JAK1: variants seen among roughly 807,000 people sequenced by gnomAD.
JAK1 encodes tyrosine-protein kinase JAK1.
Under a neutral mutation model 136.6 loss-of-function variants are expected in JAK1, and 16 were observed. The observed-to-expected ratio is 0.12, with a 90% confidence interval of 0.08 to 0.18. JAK1 has a LOEUF of 0.18. Among genes scored for constraint, JAK1 ranks in the 10% least tolerant of loss-of-function variants. JAK1 has a pLI of 1.00. For missense variants in JAK1, 859 were observed against 1,450.1 expected (o/e 0.59, Z 6.62); for synonymous variants, 492 against 519.5 (o/e 0.95, Z 0.72).
At chr1:64,918,009 G>A (rs1645428728) in intron 1 of JAK1, among the ~76,000 whole-genome samples, 1 of 152,114 alleles carries the variant, frequency 6.6e-6, no homozygotes, top group Non-Finnish European at 1.5e-5. Flanking sequence ...TCTTCTCCTG[G>A]GAGCCTTCAT....
chr1:64,840,193 T>G (rs1570610236), intron 19 of JAK1, among the ~76,000 whole-genome samples: 3 of 152,294 alleles, frequency 2.0e-5, no homozygotes, highest in South Asian at 4.1e-4. Context: ...TTAGAAGACG[T>G]GAGATCAGGT....
At chr1:65,000,942 C>T (rs554579231) in intron 2 of JAK1, among the ~76,000 whole-genome samples, 57 of 151,046 alleles carry the variant, frequency 3.8e-4, no homozygotes, top group African/African-American at 1.1e-3. Flanking sequence ...AGTGCGGTGG[C>T]GCCATGGAAG....
intron 1 of JAK1, among the ~76,000 whole-genome samples, chr1:65,054,886 T>C (rs530097328): frequency 6.6e-5 from 10 of 152,340 alleles, no homozygotes; most frequent in African/African-American, 2.4e-4. Flanking sequence ...CATAAAGACA[T>C]GGCAATTACA....
intron 1 of JAK1, among the ~76,000 whole-genome samples, chr1:64,911,448 C>A (rs1416826580): frequency 6.6e-6 from 1 of 152,226 alleles, no homozygotes; most frequent in Non-Finnish European, 1.5e-5. Context: ...ACATACATGT[C>A]CTCATTACAC....
intron 2 of JAK1, among the ~76,000 whole-genome samples, chr1:64,885,229 C>T (rs182284326): frequency 1.3e-5 from 2 of 152,278 alleles, no homozygotes; most frequent in Admixed American, 1.3e-4. Context: ...AGCAAGACCA[C>T]TTGAAAACCC....
rs1048382567 is a variant in JAK1, at chr1:64,899,442, A to T, written c.-77-13101T>A. ...CTAAAAATCATTTAGACTCATCATA[A>T]ATGCACACATTCAACATTATAGAAA... On this transcript the variant is annotated intron_variant, in intron 1 of 24. Coordinates refer to ENST00000342505, the MANE Select transcript of JAK1 (RefSeq NM_002227.4). Among the ~76,000 whole-genome samples, 3 of 152,200 alleles carry T rather than the reference A, an allele frequency of 2.0e-5. 1 individual carries two copies. The highest frequency in any genetic ancestry group is 2.9e-5 in the Non-Finnish European group (2 of 68,036).
At chr1:64,838,951 C>T (rs909274364) in intron 20 of JAK1, among the ~76,000 whole-genome samples, 5 of 151,540 alleles carry the variant, frequency 3.3e-5, no homozygotes, top group Non-Finnish European at 5.9e-5. Context: ...CGAGACCATC[C>T]TGGCTAACAC....
At chr1:64,939,642 A>G (rs1022332042) in intron 1 of JAK1, among the ~76,000 whole-genome samples, 1 of 152,270 alleles carries the variant, frequency 6.6e-6, no homozygotes, top group Non-Finnish European at 1.5e-5. Context: ...GGAGCTGGGC[A>G]CATAGTAGAT....
At chr1:64,901,740 ACTAT>A (rs1645108325) in intron 1 of JAK1, among the ~76,000 whole-genome samples, 1 of 152,172 alleles carries the variant, frequency 6.6e-6, no homozygotes, top group Admixed American at 6.5e-5. Context: ...AACCATCATC[ACTAT>A]CTACTTCCAG....
chr1:65,059,068 G>A (rs1185469536), intron 1 of JAK1, among the ~76,000 whole-genome samples: 1 of 151,396 alleles, frequency 6.6e-6, no homozygotes, highest in Non-Finnish European at 1.5e-5. Context: ...TATGGGGCTG[G>A]CAATGAATTA....
chr1:65,025,901 ACTC>A (rs1355325027), intron 2 of JAK1, among the ~76,000 whole-genome samples: 5 of 151,824 alleles, frequency 3.3e-5, no homozygotes, highest in Admixed American at 2.0e-4. Context: ...CTACTCTTGT[ACTC>A]CTGGACTCAA....
chr1:64,909,756 C>T (rs1181875138), intron 1 of JAK1, among the ~76,000 whole-genome samples: 2 of 151,838 alleles, frequency 1.3e-5, no homozygotes, highest in African/African-American at 4.8e-5. Context: ...CCTGGGAGGT[C>T]GAGGCTGCAA....
Position 64,835,455 on chromosome 1 carries a change from G to A in JAK1, c.3310C>T (p.Leu1104Phe), listed in dbSNP as rs1477623179. The A allele has an allele frequency of 1.9e-6, 3 of 1,609,356 alleles. No individual in the cohort carries two copies. Among genetic ancestry groups the A allele is most frequent in the East Asian group, 2.2e-5 (1 of 44,778 alleles). Residue 1104 changes from leucine to phenylalanine, a missense_variant, in exon 24 of 25, where the codon CTT (leucine) becomes TTT (phenylalanine). Physicochemically the swap from Leu to Phe is conservative, Grantham distance 22 (BLOSUM62 0). This residue lies in a region of JAK1 where 53 missense variants were observed against 64.8 expected (regional missense o/e 0.82). Coordinates refer to ENST00000342505, the MANE Select transcript of JAK1 (RefSeq NM_002227.4). ...TTTCCTTCTTTTAACGTATTCACAA[G>A]TCTTGTGACTGTCATCTGGCCATGG... ...PTHGQMTVTR[L>F]VNTLKEGKRL...
chr1:64,867,025 C>T lies in JAK1; in HGVS notation c.831G>A (p.Leu277=), dbSNP rs1389991351. The T allele has an allele frequency of 6.2e-7, 1 of 1,614,118 alleles. No individual in the cohort carries two copies. Among genetic ancestry groups the T allele is most frequent in the Non-Finnish European group, 8.5e-7 (1 of 1,180,048 alleles). The change falls in exon 7 of 25, where the codon TTG becomes TTA. Residue 277 remains leucine, a synonymous_variant. Coordinates refer to ENST00000342505, the MANE Select transcript of JAK1 (RefSeq NM_002227.4). ...ATATTTCAGCACCGTAATGTTTTGT[C>T]AAAGTTTCCAAGGTAGCCAAGTATT... ...KVKYLATLET[L]TKHYGAEIFE...
intron 2 of JAK1, among the ~76,000 whole-genome samples, chr1:65,013,238 A>T (rs1646864755): frequency 1.3e-5 from 2 of 150,298 alleles, no homozygotes; most frequent in Admixed American, 6.6e-5. Context: ...TCTACTAAAA[A>T]TATAAAAAAT....
chr1:64,936,482 G>T (rs1360238870), intron 1 of JAK1, among the ~76,000 whole-genome samples: 1 of 152,120 alleles, frequency 6.6e-6, no homozygotes, highest in Non-Finnish European at 1.5e-5. Context: ...TTCATTCTTG[G>T]GGAAATCCAG....
intron 11 of JAK1, among the ~76,000 whole-genome samples, chr1:64,852,165 T>C (rs1655642228): frequency 6.6e-6 from 1 of 152,274 alleles, no homozygotes; most frequent in Non-Finnish European, 1.5e-5. Flanking sequence ...ATGAGCATTA[T>C]ACACATTAAC....
intron 2 of JAK1, among the ~76,000 whole-genome samples, chr1:65,009,592 T>C (rs1212266896): frequency 6.6e-6 from 1 of 152,236 alleles, no homozygotes; most frequent in Non-Finnish European, 1.5e-5. Context: ...AAAATTAGAA[T>C]AATAATACTG....
At position 64,949,209 on chromosome 1, in the gene JAK1, T is replaced by C. The variant is rs566556256; in HGVS notation, c.-78+17124A>G. On this transcript the variant is annotated intron_variant, in intron 1 of 24. Transcript: ENST00000342505. ...GTTTATCCTGGCTTCACAGAAAATATCCCCACTAAGCAGAAAAACACCAGT... is the reference window on the plus strand; with the variant it reads ...GTTTATCCTGGCTTCACAGAAAATACCCCCACTAAGCAGAAAAACACCAGT... Among the ~76,000 whole-genome samples the C allele has an allele frequency of 2.1e-4, 32 of 152,254 alleles. 1 individual carries two copies. The South Asian group carries it at 6.0e-3, about 29-fold the overall frequency.
Sources: gnomAD v4.1 joint callset for allele counts (sites outside exome capture counted in the v4.1 genomes callset) on GRCh38, gnomAD v4.1.1 for gene constraint, gnomAD v4.1.1 regional missense constraint, MANE v1.5 for transcripts, NCBI Gene and HGNC (gene_info 2026-07-23, HGNC 2026-07-21) for gene names.